MSR1: variants seen among roughly 807,000 people sequenced by gnomAD.
MSR1 encodes the protein macrophage scavenger receptor 1, also known as macrophage scavenger receptor types I and II.
A neutral mutation model predicts 47.2 loss-of-function variants in MSR1; 53 were observed. The ratio of observed to expected loss-of-function variants is 1.12; its 90% confidence interval spans 0.90 to 1.41. The LOEUF (loss-of-function observed/expected upper bound fraction) is 1.41. MSR1 is among the 40% of genes most tolerant of loss of function. MSR1 has a pLI of 0.00. For missense variants in MSR1, 786 were observed against 546.9 expected (o/e 1.44, Z -4.36); for synonymous variants, 239 against 185.6 (o/e 1.29, Z -2.34).
chr8:16,167,493 C>T (rs751930625), intron 4 of MSR1, among the ~76,000 whole-genome samples: 2 of 152,148 alleles, frequency 1.3e-5, no homozygotes, highest in South Asian at 2.1e-4. Context: ...TGCAGTGAGC[C>T]ATGATCTCAC....
chr8:16,161,502 T>C (rs1347989047), intron 5 of MSR1, among the ~76,000 whole-genome samples: 5 of 152,012 alleles, frequency 3.3e-5, no homozygotes, highest in African/African-American at 4.8e-5. Context: ...CTATATATGA[T>C]ATGTGTTCTG....
intron 8 of MSR1, among the ~76,000 whole-genome samples, chr8:16,121,598 A>G (rs1475341873): frequency 6.6e-6 from 1 of 151,926 alleles, no homozygotes; most frequent in Non-Finnish European, 1.5e-5. Context: ...ACAGAATGAA[A>G]GGCAGAGATG....
At chr8:16,125,347 A>G (rs1353073428) in intron 8 of MSR1, among the ~76,000 whole-genome samples, 2 of 152,178 alleles carry the variant, frequency 1.3e-5, no homozygotes, top group African/African-American at 2.4e-5. Context: ...TAATTAATTT[A>G]TTAATTTACA....
At chr8:16,152,523 A>T (rs991052719) in intron 6 of MSR1, among the ~76,000 whole-genome samples, 1 of 152,078 alleles carries the variant, frequency 6.6e-6, no homozygotes, top group Non-Finnish European at 1.5e-5. Flanking sequence ...AGTAAATAGT[A>T]CTGGTTGATG....
chr8:16,175,318 C>G lies in MSR1; in HGVS notation c.104-18G>C, dbSNP rs1309261649. 10 of 1,582,878 alleles carry G rather than the reference C, an allele frequency of 6.3e-6. No homozygotes were observed. Among genetic ancestry groups the G allele is most frequent in the Non-Finnish European group, 8.7e-6 (10 of 1,151,744 alleles). Reference sequence around the variant, plus strand: ...TTTAGGATCTAATAAAACAAAAAAGCCCAGCCTACTGTTAGAAAGTGTTGT... The same window carrying G: ...TTTAGGATCTAATAAAACAAAAAAGGCCAGCCTACTGTTAGAAAGTGTTGT... On this transcript the variant is annotated intron_variant, in intron 2 of 9. Transcript: ENST00000262101.
chr8:16,166,306 C>T (rs920451381), intron 4 of MSR1, among the ~76,000 whole-genome samples: 2 of 149,088 alleles, frequency 1.3e-5, no homozygotes, highest in Non-Finnish European at 3.0e-5. Flanking sequence ...TACAGGTGCA[C>T]ACTACCACAC....
At position 16,163,942 on chromosome 8, in the gene MSR1, C is replaced by T. The variant is rs1048976075; in HGVS notation, c.817+123G>A. 5.6e-6 allele frequency: 4 copies of T among 718,222 alleles called. No individual in the cohort carries two copies. In the South Asian group the frequency reaches 1.0e-4, roughly 18 times the overall value. The allele number at this position is 718,222 out of a possible 1,614,324, so 44.5% of individuals were successfully genotyped here. A position where few individuals can be genotyped will look rare whatever the true frequency, so the allele number is the denominator to read the frequency against. On this transcript the variant is annotated intron_variant, in intron 5 of 9. Coordinates refer to ENST00000262101, the MANE Select transcript of MSR1 (RefSeq NM_138715.3). ...TCATATTCTTTCCTTTGGGTATTTG[C>T]AGTAAATGTAAGCTCAGAAACTATT...
intron 9 of MSR1, among the ~76,000 whole-genome samples, chr8:16,112,628 T>C (rs1441048622): frequency 6.6e-6 from 1 of 152,148 alleles, no homozygotes; most frequent in African/African-American, 2.4e-5. Context: ...TAAAATTTTA[T>C]CCTTGTGTAA....
At chr8:16,191,296 T>A (rs1258108753) in intron 1 of MSR1, among the ~76,000 whole-genome samples, 4 of 152,190 alleles carry the variant, frequency 2.6e-5, no homozygotes, top group African/African-American at 9.6e-5. Flanking sequence ...GAGCATCAAC[T>A]TTTGAATCTG....
rs900281674 is a variant in MSR1, at chr8:16,110,030, T to C, written c.*55A>G. ...TTAAATGGATTTTACAGGAACAAGGTAATAAAATCATTTTTGAGCAGCGAT... is the reference window on the plus strand; with the variant it reads ...TTAAATGGATTTTACAGGAACAAGGCAATAAAATCATTTTTGAGCAGCGAT... On this transcript the variant is annotated 3_prime_UTR_variant, in exon 10 of 10. Transcript: ENST00000262101. 6.3e-7 allele frequency: 1 copy of C among 1,598,722 alleles called. No individual in the cohort carries two copies. Among genetic ancestry groups the C allele is most frequent in the Non-Finnish European group, 8.6e-7 (1 of 1,167,564 alleles).
At chr8:16,192,376 TC>T (rs1802222422) in intron 1 of MSR1, among the ~76,000 whole-genome samples, 2 of 152,158 alleles carry the variant, frequency 1.3e-5, no homozygotes, top group African/African-American at 4.8e-5. Flanking sequence ...TATATGTTTT[TC>T]ACTCATGGAA....
chr8:16,148,876 G>A (rs75802614), intron 7 of MSR1, among the ~76,000 whole-genome samples: 6,185 of 152,180 alleles, frequency 0.041, 450 homozygotes, highest in African/African-American at 0.14. Context: ...TCAGACCATG[G>A]AAAGATATAG....
chr8:16,179,007 T>G (rs540363540), intron 1 of MSR1, among the ~76,000 whole-genome samples: 3 of 152,366 alleles, frequency 2.0e-5, no homozygotes, highest in African/African-American at 7.2e-5. Context: ...CCCATAAGTT[T>G]TAACTTTCAC....
intron 3 of MSR1, among the ~76,000 whole-genome samples, chr8:16,171,008 G>C (rs907024383): frequency 6.6e-6 from 1 of 151,742 alleles, no homozygotes; most frequent in Non-Finnish European, 1.5e-5. Context: ...TGGATCACCT[G>C]AGGTCAGGAG....
At chr8:16,178,351 G>A (rs529251612) in intron 1 of MSR1, among the ~76,000 whole-genome samples, 16 of 150,576 alleles carry the variant, frequency 1.1e-4, no homozygotes, top group African/African-American at 1.7e-4. Flanking sequence ...GAGAACATGC[G>A]GTGTTTGGGT....
chr8:16,143,471 G>A (rs1585156544), intron 8 of MSR1, 87 bp downstream of exon 8: 9 of 1,221,194 alleles, frequency 7.4e-6, no homozygotes, highest in South Asian at 2.5e-5. Flanking sequence ...CTGAAGTTGC[G>A]AACATTTGCC....
intron 5 of MSR1, among the ~76,000 whole-genome samples, chr8:16,156,059 A>C (rs1800997281): frequency 6.6e-6 from 1 of 151,878 alleles, no homozygotes; most frequent in Non-Finnish European, 1.5e-5. Context: ...ATCCTACCTA[A>C]ACACCATGTT....
intron 6 of MSR1, among the ~76,000 whole-genome samples, chr8:16,152,464 T>C (rs1411320235): frequency 6.6e-6 from 1 of 152,128 alleles, no homozygotes; most frequent in East Asian, 1.9e-4. Flanking sequence ...CTTTATTTTC[T>C]CTTCTGGAAG....
chr8:16,110,165 T>A lies in MSR1; in HGVS notation c.1276A>T (p.Ile426Phe). 1 of 1,613,694 alleles carries A rather than the reference T, an allele frequency of 6.2e-7. No individual in the cohort carries two copies. Among genetic ancestry groups the A allele is most frequent in the Non-Finnish European group, 8.5e-7 (1 of 1,179,702 alleles). Residue 426 changes from isoleucine to phenylalanine, a missense_variant, in exon 10 of 10, where the codon ATT (isoleucine) becomes TTT (phenylalanine). Ile to Phe is a conservative substitution (Grantham distance 21, BLOSUM62 0). Coordinates refer to ENST00000262101, the MANE Select transcript of MSR1 (RefSeq NM_138715.3). ...EVFCFGRESS[I>F]EECKIRQWGT... ...CATTGCCGAATTTTACATTCTTCAA[T>A]AGATGATTCTCTCCCAAAACAAAAC...
Sources: allele counts gnomAD v4.1 joint callset (sites outside exome capture counted in the v4.1 genomes callset), GRCh38; gene constraint gnomAD v4.1.1; transcripts MANE v1.5; gene names NCBI Gene and HGNC (gene_info 2026-07-23, HGNC 2026-07-21).